Variants in DGKB observed in about 807,000 individuals in gnomAD.
The protein encoded by DGKB is 90 kDa diacylglycerol kinase.
DGKB carries 67 observed loss-of-function variants against 114.3 expected under a neutral mutation model. The observed-to-expected ratio is 0.59, with a 90% CI of 0.48 to 0.72. DGKB has a LOEUF of 0.72. Among genes scored for constraint, DGKB ranks in the 30% least tolerant of loss-of-function variants. The pLI, the probability that DGKB is intolerant of heterozygous loss-of-function variation, is 0.00. For missense variants in DGKB, 907 were observed against 975.2 expected, an observed-to-expected ratio of 0.93 and a Z score of 0.93; for synonymous variants, 398 against 323.1, an observed-to-expected ratio of 1.23 and a Z score of -2.49.
intron 13 of DGKB, among the ~76,000 whole-genome samples, chr7:14,658,568 G>A (rs910389284): frequency 1.3e-5 from 2 of 151,726 alleles, no homozygotes; most frequent in Non-Finnish European, 2.9e-5. Flanking sequence ...CTGGAAGAGA[G>A]GACTTCCCAA....
chr7:14,545,233 C>T (rs191514752), intron 20 of DGKB, among the ~76,000 whole-genome samples: 1 of 151,932 alleles, frequency 6.6e-6, no homozygotes, highest in Non-Finnish European at 1.5e-5. Context: ...TTGCAAAAGA[C>T]AACTCGGGGG....
intron 7 of DGKB, among the ~76,000 whole-genome samples, chr7:14,699,738 A>G (rs1053027077): frequency 9.2e-5 from 14 of 152,298 alleles, no homozygotes; most frequent in African/African-American, 3.4e-4. Flanking sequence ...GCTATTGTGG[A>G]GAAAACCCTA....
At chr7:14,689,343 T>C (rs2128985613) in intron 9 of DGKB, among the ~76,000 whole-genome samples, 1 of 151,506 alleles carries the variant, frequency 6.6e-6, no homozygotes, top group Non-Finnish European at 1.5e-5. Context: ...GCCCGGCTAA[T>C]TTTTTGTATT....
Position 14,308,547 on chromosome 7 carries a change from T to C in DGKB, c.2122+29968A>G, listed in dbSNP as rs767128846. On this transcript the variant is annotated intron_variant, in intron 23 of 25. Coordinates refer to ENST00000402815, the MANE Select transcript of DGKB (RefSeq NM_001350709.2). ...TAATAGAGAAAGTAATATTGAGGCA[T>C]AATTATCTTCTTTAATATTATATGA... Among the ~76,000 whole-genome samples the C allele has an allele frequency of 3.0e-4, 45 of 152,206 alleles. 1 individual carries two copies. Among genetic ancestry groups the C allele is most frequent in the Admixed American group, 1.2e-3 (18 of 15,272 alleles).
intron 20 of DGKB, among the ~76,000 whole-genome samples, chr7:14,495,226 A>G (rs547604011): frequency 1.3e-5 from 2 of 151,968 alleles, no homozygotes; most frequent in African/African-American, 4.8e-5. Flanking sequence ...ATACTATTGC[A>G]CAAAGAGAAT....
In DGKB at chr7:14,651,646, C is replaced by T. The variant is rs199572399; in HGVS notation, c.1134+21283G>A. Reference sequence around the variant, plus strand: ...TCAACATAGTGTTGGAAGTTCTGGCCAGGGCAATTAGGCAGGAGAAGGAAA... The same window carrying T: ...TCAACATAGTGTTGGAAGTTCTGGCTAGGGCAATTAGGCAGGAGAAGGAAA... On this transcript the variant is annotated intron_variant, in intron 13 of 25. Coordinates refer to ENST00000402815, the MANE Select transcript of DGKB (RefSeq NM_001350709.2). Among the ~76,000 whole-genome samples the T allele has an allele frequency of 3.0e-3, 438 of 145,506 alleles. 9 individuals carry two copies. In the East Asian group the frequency reaches 0.075, roughly 25 times the overall value.
chr7:14,387,023 G>A (rs1027739002), intron 21 of DGKB, among the ~76,000 whole-genome samples: 6 of 151,744 alleles, frequency 4.0e-5, no homozygotes, highest in African/African-American at 1.5e-4. Flanking sequence ...AAGCAGTCAG[G>A]GAGCTAATTA....
intron 13 of DGKB, among the ~76,000 whole-genome samples, chr7:14,652,569 C>G (rs1224733605): frequency 1.3e-5 from 2 of 151,924 alleles, no homozygotes; most frequent in African/African-American, 4.8e-5. Context: ...CTAGGCTTTA[C>G]CATTCGGGAC....
intron 21 of DGKB, among the ~76,000 whole-genome samples, chr7:14,350,004 TG>T (rs1294630001): frequency 6.6e-6 from 1 of 152,136 alleles, no homozygotes; most frequent in Non-Finnish European, 1.5e-5. Context: ...AAGTTATTCA[TG>T]TAATTATTAT....
chr7:14,637,350 T>A (rs1484991416), intron 13 of DGKB, among the ~76,000 whole-genome samples: 5 of 152,024 alleles, frequency 3.3e-5, no homozygotes, highest in Middle Eastern at 3.4e-3. Flanking sequence ...AAATTTGGCA[T>A]TCACTTTTAT....
intron 20 of DGKB, among the ~76,000 whole-genome samples, chr7:14,565,000 T>C (rs1797182251): frequency 6.6e-6 from 1 of 152,140 alleles, no homozygotes; most frequent in Non-Finnish European, 1.5e-5. Context: ...ATAAACTTTC[T>C]CCCATTCCTG....
At chr7:14,196,303 A>G (rs949380278) in intron 23 of DGKB, among the ~76,000 whole-genome samples, 2 of 152,162 alleles carry the variant, frequency 1.3e-5, no homozygotes, top group African/African-American at 4.8e-5. Flanking sequence ...CAAAGAAAGA[A>G]TTATTCTAGT....
intron 21 of DGKB, among the ~76,000 whole-genome samples, chr7:14,391,202 G>C (rs921308427): frequency 1.3e-5 from 2 of 152,100 alleles, no homozygotes; most frequent in African/African-American, 4.8e-5. Flanking sequence ...AACTATTTTT[G>C]CATGGAAATG....
intron 21 of DGKB, among the ~76,000 whole-genome samples, chr7:14,374,904 A>G (rs1818247365): frequency 2.0e-5 from 3 of 152,186 alleles, no homozygotes; most frequent in African/African-American, 7.2e-5. Context: ...TGAGGAGGGC[A>G]CAGATTGTCC....
At chr7:14,928,964 T>G (rs1029241402) in intron 1 of DGKB, among the ~76,000 whole-genome samples, 4 of 151,792 alleles carry the variant, frequency 2.6e-5, no homozygotes, top group African/African-American at 9.7e-5. Context: ...TAATGGCTTG[T>G]TCCTGCAAAA....
intron 5 of DGKB, 27 bp from the exon 6 acceptor site, chr7:14,718,712 T>G: frequency 1.3e-6 from 2 of 1,558,568 alleles, no homozygotes; most frequent in Non-Finnish European, 1.8e-6. Flanking sequence ...CTTTATATTT[T>G]GTTAATTATT....
At chr7:14,571,441 C>G (rs898072511) in intron 20 of DGKB, among the ~76,000 whole-genome samples, 2 of 152,178 alleles carry the variant, frequency 1.3e-5, no homozygotes, top group African/African-American at 4.8e-5. Context: ...TCATAGCTAG[C>G]CTGAGTTTGT....
intron 21 of DGKB, among the ~76,000 whole-genome samples, chr7:14,471,990 A>T (rs1243309242): frequency 6.6e-6 from 1 of 152,156 alleles, no homozygotes; most frequent in Non-Finnish European, 1.5e-5. Flanking sequence ...GAGACCAGAT[A>T]CTTTGAAATA....
chr7:14,939,643 T>TC (rs1234875392), intron 1 of DGKB, among the ~76,000 whole-genome samples: 1 of 146,712 alleles, frequency 6.8e-6, no homozygotes, highest in Non-Finnish European at 1.5e-5. Flanking sequence ...TTTTTTTTTT[T>TC]TTTTGAGACG....
Sources: allele counts gnomAD v4.1 joint callset (sites outside exome capture counted in the v4.1 genomes callset), GRCh38; gene constraint gnomAD v4.1.1; transcripts MANE v1.5; gene names NCBI Gene and HGNC (gene_info 2026-07-23, HGNC 2026-07-21).